The following MAP7D2 variants were observed in gnomAD, a reference collection of about 807,000 sequenced individuals.
MAP7D2 encodes MAP7 domain containing 2, also known as MAP7 domain-containing protein 2.
A neutral mutation model predicts 63.5 loss-of-function variants in MAP7D2; 33 were observed. The observed-to-expected ratio is 0.52, with a 90% CI of 0.39 to 0.70. MAP7D2 has a LOEUF of 0.70. MAP7D2 is among the 30% of genes least tolerant of loss of function. The pLI is 0.00. For synonymous variants in MAP7D2, 224 were observed against 223.7 expected, an observed-to-expected ratio of 1.00 and a Z score of -0.01; for missense variants, 626 against 604.0, an observed-to-expected ratio of 1.04 and a Z score of -0.38.
At chrX:20,091,236 A>G (rs1359195130) in intron 1 of MAP7D2, among the ~76,000 whole-genome samples, 3 of 107,229 alleles carry the variant, frequency 2.8e-5, no homozygotes, top group African/African-American at 1.0e-4. Context: ...TATTTTTACT[A>G]GAGATGGGGT....
At chrX:20,091,342 C>T (rs1339030440) in intron 1 of MAP7D2, among the ~76,000 whole-genome samples, 2 of 105,688 alleles carry the variant, frequency 1.9e-5, no homozygotes, top group Non-Finnish European at 3.9e-5. Flanking sequence ...AGTGAGCCAC[C>T]GTGCCCGGCC....
chrX:20,067,824 A>G (rs968494853), intron 1 of MAP7D2, among the ~76,000 whole-genome samples: 4 of 112,182 alleles, frequency 3.6e-5, no homozygotes, highest in Non-Finnish European at 5.6e-5. Context: ...TTGCAAATCT[A>G]AAGAGAAGTC....
At chrX:20,034,457 C>T (rs188126423) in intron 8 of MAP7D2, among the ~76,000 whole-genome samples, 2 of 110,401 alleles carry the variant, frequency 1.8e-5, no homozygotes, top group East Asian at 2.9e-4. Context: ...GCATCCCATA[C>T]CACTGCTATG....
intron 1 of MAP7D2, among the ~76,000 whole-genome samples, chrX:20,089,540 C>A (rs970076915): frequency 1.8e-5 from 2 of 112,200 alleles, no homozygotes; most frequent in African/African-American, 6.5e-5. Context: ...CACAGACCAG[C>A]AATGTCAGCA....
chrX:20,080,579 G>A (rs1449238535), intron 1 of MAP7D2, among the ~76,000 whole-genome samples: 1 of 110,599 alleles, frequency 9.0e-6, no homozygotes, highest in African/African-American at 3.3e-5. Flanking sequence ...GTGAGCTTCT[G>A]GAGTCTCACC....
intron 1 of MAP7D2, among the ~76,000 whole-genome samples, chrX:20,090,831 G>C (rs2066049247): frequency 9.0e-6 from 1 of 111,455 alleles, no homozygotes; most frequent in Admixed American, 9.6e-5. Flanking sequence ...ACTTAGCCAG[G>C]CATGGTGGCA....
intron 10 of MAP7D2, among the ~76,000 whole-genome samples, chrX:20,019,241 C>A (rs1405475357): frequency 9.0e-6 from 1 of 110,631 alleles, no homozygotes; most frequent in Non-Finnish European, 1.9e-5. Flanking sequence ...GTTGCCCAGG[C>A]TGGTCTCAAA....
intron 1 of MAP7D2, among the ~76,000 whole-genome samples, chrX:20,088,768 G>T (rs1476007160): frequency 9.1e-6 from 1 of 110,374 alleles, no homozygotes; most frequent in Non-Finnish European, 1.9e-5. Context: ...TTTATAATTT[G>T]AGCTTCTTGT....
At chrX:20,059,590 GGAAGGAA>G (rs2148354978) in intron 3 of MAP7D2, among the ~76,000 whole-genome samples, 1 of 57,263 alleles carries the variant, frequency 1.7e-5, no homozygotes, top group African/African-American at 2.2e-4. Context: ...GTGGAAGGGT[GGAAGGAA>G]GGAAGGAAGG....
chrX:20,045,715 A>C (rs996794760), intron 6 of MAP7D2, among the ~76,000 whole-genome samples: 1 of 110,631 alleles, frequency 9.0e-6, no homozygotes, highest in Admixed American at 9.7e-5. Flanking sequence ...GAAACGTGGT[A>C]AAATCACATT....
chrX:20,031,346 T>C (rs1283295119), intron 8 of MAP7D2, among the ~76,000 whole-genome samples: 1 of 108,628 alleles, frequency 9.2e-6, no homozygotes, highest in Non-Finnish European at 1.9e-5. Flanking sequence ...TAAAATAATG[T>C]CAAGGTCAGG....
intron 1 of MAP7D2, among the ~76,000 whole-genome samples, chrX:20,100,035 G>A (rs906377509): frequency 9.0e-6 from 1 of 111,597 alleles, no homozygotes; most frequent in African/African-American, 3.3e-5. Flanking sequence ...CTGGAAGCAT[G>A]GGCTTTCATT....
chrX:20,094,490 ATATATATATATATATATATATATATG>A (rs2066157607), intron 1 of MAP7D2, among the ~76,000 whole-genome samples: 2 of 4,580 alleles, frequency 4.4e-4, no homozygotes, highest in Admixed American at 4.5e-3. Flanking sequence ...ATACATACAT[ATATATATATATATATATATATATATG>A]TATATATATA....
At chrX:20,051,859 G>A (rs1457094974) in intron 5 of MAP7D2, among the ~76,000 whole-genome samples, 2 of 112,285 alleles carry the variant, frequency 1.8e-5, no homozygotes, top group Non-Finnish European at 3.8e-5. Context: ...AAAATATTTA[G>A]ATCAGTTTTG....
intron 1 of MAP7D2, among the ~76,000 whole-genome samples, chrX:20,072,664 C>A (rs2065534856): frequency 8.9e-6 from 1 of 111,805 alleles, no homozygotes; most frequent in Non-Finnish European, 1.9e-5. Flanking sequence ...CACTCAGACT[C>A]ACACACCAAT....
intron 10 of MAP7D2, among the ~76,000 whole-genome samples, chrX:20,017,965 CTTT>C (rs141142969): frequency 1.8e-3 from 157 of 85,667 alleles, no homozygotes; most frequent in Middle Eastern, 0.011. Flanking sequence ...AATCCATTCT[CTTT>C]TTTTTTTTTT....
At chrX:20,064,229 A>G (rs763777908) in intron 2 of MAP7D2, among the ~76,000 whole-genome samples, 17 of 112,308 alleles carry the variant, frequency 1.5e-4, no homozygotes, top group South Asian at 3.7e-4. Context: ...GGGAAACGCT[A>G]TCTCCCTCAG....
intron 1 of MAP7D2, among the ~76,000 whole-genome samples, chrX:20,102,778 G>C (rs1455103395): frequency 3.7e-5 from 4 of 108,607 alleles, no homozygotes; most frequent in South Asian, 8.3e-4. Context: ...TGGGCGGGGT[G>C]GGGGGGAGTC....
At chrX:20,042,158 G>T (rs759179406) in intron 8 of MAP7D2, among the ~76,000 whole-genome samples, 1 of 111,614 alleles carries the variant, frequency 9.0e-6, no homozygotes, top group African/African-American at 3.3e-5. Flanking sequence ...AGAATGTCAG[G>T]AGGAGCCCAA....
Sources: gnomAD v4.1 joint callset for allele counts (sites outside exome capture counted in the v4.1 genomes callset) on GRCh38, gnomAD v4.1.1 for gene constraint, MANE v1.5 for transcripts, NCBI Gene and HGNC (gene_info 2026-07-23, HGNC 2026-07-21) for gene names.